RALGAPA1: variants seen among roughly 807,000 people sequenced by gnomAD.
RALGAPA1 encodes Ral GTPase activating protein catalytic subunit alpha 1.
In RALGAPA1, 52 loss-of-function variants were observed where a neutral mutation model predicts 269.6. The observed-to-expected ratio is 0.19, with a 90% CI of 0.15 to 0.24. RALGAPA1 has a LOEUF of 0.24. Among genes scored for constraint, RALGAPA1 ranks in the 10% least tolerant of loss-of-function variants. RALGAPA1 has a pLI of 1.00. For missense variants in RALGAPA1, 1,917 were observed against 3,013.9 expected, an observed-to-expected ratio of 0.64 and a Z score of 8.52; for synonymous variants, 817 against 1,008.3, an observed-to-expected ratio of 0.81 and a Z score of 3.60.
chr14:35,689,411 C>T lies in RALGAPA1; in HGVS notation c.3000G>A (p.Gly1000=). 1.6e-6 allele frequency: 2 copies of T among 1,232,114 alleles called. No individual in the cohort carries two copies. The highest frequency in any genetic ancestry group is 1.6e-5 in the African/African-American group (1 of 64,502). The allele number at this position is 1,232,114 out of a possible 1,614,324, so 76.3% of individuals were successfully genotyped here. The change falls in exon 18 of 42, where the codon GGG becomes GGA. Residue 1000 remains glycine (G), a synonymous_variant. Coordinates refer to ENST00000680220, the MANE Select transcript of RALGAPA1 (RefSeq NM_001346249.2). ...TCTGAAACTGTAGGTTTTCAGGAGT[C>T]CCAACAAAAGAGGTGATATTTTCTG... The part of the protein sequence containing the change: ...TESENITSFV[G]TPENLQFQKE...
intron 8 of RALGAPA1, among the ~76,000 whole-genome samples, chr14:35,751,275 C>A (rs772854637): frequency 7.9e-5 from 12 of 152,250 alleles, no homozygotes; most frequent in Middle Eastern, 3.4e-3. Flanking sequence ...TATATAAATA[C>A]TGGATGAAAC....
chr14:35,712,588 G>A (rs960104949), intron 16 of RALGAPA1, among the ~76,000 whole-genome samples: 5 of 152,064 alleles, frequency 3.3e-5, no homozygotes, highest in Admixed American at 6.6e-5. Flanking sequence ...AGCTCACTGT[G>A]GCTTCAAACT....
At position 35,689,816 on chromosome 14, in the gene RALGAPA1, G is replaced by A. The variant is rs1232627211; in HGVS notation, c.2595C>T (p.Asp865=). ...AGCTTGGTGCATGACGGGATGAACT[G>A]TCAATGACAGGAACTGCACCTTTGG... is the stretch of plus-strand genomic sequence containing the variant. ...ERAKGAVPVI[D]SSSRHAPSLQ... is the part of the protein sequence containing the mutation. The change falls in exon 18 of 42, where the codon GAC becomes GAT. Residue 865 remains aspartate (D), a synonymous_variant. Coordinates refer to ENST00000680220, the MANE Select transcript of RALGAPA1 (RefSeq NM_001346249.2). 1.9e-6 allele frequency: 3 copies of A among 1,576,110 alleles called. No homozygotes were observed. Among genetic ancestry groups the A allele is most frequent in the African/African-American group, 2.8e-5 (2 of 71,508 alleles).
intron 16 of RALGAPA1, among the ~76,000 whole-genome samples, chr14:35,715,202 C>T (rs1232275549): frequency 6.6e-6 from 1 of 152,192 alleles, no homozygotes; most frequent in Non-Finnish European, 1.5e-5. Context: ...ACATCAGACC[C>T]TCTCATCCTG....
chr14:35,634,880 C>T, intron 32 of RALGAPA1, 123 bp from the exon 33 acceptor site: 1 of 1,002,142 alleles, frequency 1.0e-6, no homozygotes, highest in Non-Finnish European at 1.4e-6. Flanking sequence ...TATTTTAAAA[C>T]ATCAGGCCTG....
intron 36 of RALGAPA1, among the ~76,000 whole-genome samples, chr14:35,599,500 T>C (rs914073567): frequency 6.6e-6 from 1 of 152,106 alleles, no homozygotes; most frequent in Non-Finnish European, 1.5e-5. Flanking sequence ...ATCCCAGCAC[T>C]TTGGGAGGGG....
At chr14:35,680,855 C>T (rs2065375400) in intron 21 of RALGAPA1, among the ~76,000 whole-genome samples, 1 of 151,758 alleles carries the variant, frequency 6.6e-6, no homozygotes, top group Non-Finnish European at 1.5e-5. Context: ...ACCTCGTGAT[C>T]CACCCGCCTC....
intron 17 of RALGAPA1, among the ~76,000 whole-genome samples, chr14:35,693,203 G>A (rs1248514596): frequency 6.6e-6 from 1 of 150,948 alleles, no homozygotes; most frequent in African/African-American, 2.4e-5. Flanking sequence ...ATAAAGCCAG[G>A]CTTTAGTTAT....
At chr14:35,589,949 C>T (rs2058539719) in intron 37 of RALGAPA1, among the ~76,000 whole-genome samples, 1 of 152,160 alleles carries the variant, frequency 6.6e-6, no homozygotes, top group South Asian at 2.1e-4. Context: ...CCACCTTAGC[C>T]TCCCAAAGTG....
At chr14:35,763,862 TAGTTGTAACA>T (rs2073929098) in intron 4 of RALGAPA1, among the ~76,000 whole-genome samples, 1 of 151,994 alleles carries the variant, frequency 6.6e-6, no homozygotes, top group African/African-American at 2.4e-5. Context: ...TTCTCCAAAG[TAGTTGTAACA>T]ATTAACAGTA....
intron 1 of RALGAPA1, 94 bp downstream of exon 1, chr14:35,808,636 C>G (rs2077545024): frequency 1.4e-6 from 2 of 1,387,262 alleles, no homozygotes; most frequent in Non-Finnish European, 2.0e-6. Flanking sequence ...CTCTCCTGCA[C>G]CGCGCCAGGT....
intron 22 of RALGAPA1, among the ~76,000 whole-genome samples, chr14:35,675,225 G>C (rs1483598626): frequency 6.6e-6 from 1 of 152,174 alleles, no homozygotes; most frequent in Non-Finnish European, 1.5e-5. Context: ...TCCCAGGCTG[G>C]AGTGCAATGG....
At chr14:35,735,822 T>C (rs1019574840) in intron 12 of RALGAPA1, among the ~76,000 whole-genome samples, 1 of 152,166 alleles carries the variant, frequency 6.6e-6, no homozygotes, top group South Asian at 2.1e-4. Context: ...TCAAGAGATA[T>C]TAAATTATTT....
At chr14:35,728,326 A>G in intron 13 of RALGAPA1, 36 bp downstream of exon 13, 1 of 1,491,912 alleles carries the variant, frequency 6.7e-7, no homozygotes, top group Non-Finnish European at 8.9e-7. Context: ...GTACACAATA[A>G]AAACACATAG....
intron 21 of RALGAPA1, among the ~76,000 whole-genome samples, chr14:35,681,163 T>G (rs1312770155): frequency 6.6e-6 from 1 of 152,208 alleles, no homozygotes; most frequent in African/African-American, 2.4e-5. Context: ...GTTAGTAGTA[T>G]GATAATGTAT....
chr14:35,628,918 C>T (rs1176511333), intron 33 of RALGAPA1, among the ~76,000 whole-genome samples: 5 of 151,468 alleles, frequency 3.3e-5, no homozygotes, highest in Non-Finnish European at 7.4e-5. Flanking sequence ...AAAGAGAAAA[C>T]TCAAAGAATA....
chr14:35,782,280 G>A (rs975016701), intron 1 of RALGAPA1, among the ~76,000 whole-genome samples: 2 of 152,148 alleles, frequency 1.3e-5, no homozygotes, highest in African/African-American at 2.4e-5. Flanking sequence ...TACAAGACTT[G>A]TACACTGGAA....
chr14:35,635,711 A>AAG, intron 31 of RALGAPA1, 113 bp from the exon 32 acceptor site: 1 of 838,482 alleles, frequency 1.2e-6, no homozygotes, highest in Non-Finnish European at 1.7e-6. Flanking sequence ...CATCAACCCT[A>AAG]AGTTCCACTA....
At chr14:35,580,234 C>T (rs933107844) in intron 37 of RALGAPA1, among the ~76,000 whole-genome samples, 5 of 152,226 alleles carry the variant, frequency 3.3e-5, no homozygotes, top group African/African-American at 1.2e-4. Context: ...ACTTGATCTT[C>T]ATCAAACTTC....
Sources: gnomAD v4.1 joint callset for allele counts (sites outside exome capture counted in the v4.1 genomes callset) on GRCh38, gnomAD v4.1.1 for gene constraint, MANE v1.5 for transcripts, NCBI Gene and HGNC (gene_info 2026-07-23, HGNC 2026-07-21) for gene names.